Variants in POMGNT1 observed in about 807,000 individuals in gnomAD.
The protein encoded by POMGNT1 is protein O-linked mannose N-acetylglucosaminyltransferase 1 (beta 1,2-).
In POMGNT1, 67 loss-of-function variants were observed where a neutral mutation model predicts 95.6. The ratio of observed to expected loss-of-function variants is 0.70; its 90% CI spans 0.58 to 0.86. The LOEUF (loss-of-function observed/expected upper bound fraction) is 0.86, where lower values mean the gene tolerates loss of function less well. Among genes scored for constraint, POMGNT1 ranks in the 40% least tolerant of loss-of-function variants. POMGNT1 has a pLI of 0.00. For synonymous variants in POMGNT1, 298 were observed against 317.9 expected (o/e 0.94, Z 0.66); for missense variants, 719 against 855.2 (o/e 0.84, Z 1.99).
rs533064251 is a variant in POMGNT1 at position 46,191,925 on chromosome 1, C to T, written c.1539+173G>A. On this transcript the variant is annotated intron_variant, in intron 17 of 21. Transcript: ENST00000371984. ...CTGGGATTACAGGCGTGAGCCACCG[C>T]GCCCAGCCCTTTATCCTCATTTTTC... 1.0e-4 allele frequency: 115 copies of T among 1,097,194 alleles called. No individual in the cohort carries two copies. The Middle Eastern group carries it at 1.8e-3, about 17-fold the overall frequency. The allele number at this position is 1,097,194 out of a possible 1,614,324, so 68.0% of individuals were successfully genotyped here. A position where few individuals can be genotyped will look rare whatever the true frequency, so the allele number is the denominator to read the frequency against.
chr1:46,203,535 C>A, intron 1 of POMGNT1: 1 of 1,566,836 alleles, frequency 6.4e-7, no homozygotes, highest in Non-Finnish European at 8.6e-7. Flanking sequence ...CGAGTGTGAG[C>A]TGGGAACCTC....
In POMGNT1 at chr1:46,194,419, T is replaced by G. The variant is rs766092974; in HGVS notation, c.752-18A>C. 2 of 1,614,086 alleles carry G rather than the reference T, an allele frequency of 1.2e-6. No homozygotes were observed. Among genetic ancestry groups the G allele is most frequent in the Non-Finnish European group, 1.7e-6 (2 of 1,180,004 alleles). On this transcript the variant is annotated intron_variant, in intron 8 of 21. Transcript: ENST00000371984. Reference sequence around the variant, plus strand: ...CTCTGCCTCTGAGGGAAGGATGCGGTTGTCATGGAGGCATGGGGCCAGCAA... The same window carrying G: ...CTCTGCCTCTGAGGGAAGGATGCGGGTGTCATGGAGGCATGGGGCCAGCAA...
chr1:46,198,945 G>GTT (rs139232552), upstream of POMGNT1, among the ~76,000 whole-genome samples: 36 of 150,284 alleles, frequency 2.4e-4, no homozygotes, highest in South Asian at 2.1e-3. Context: ...CATTATTATT[G>GTT]TTTTTTTTTT....
chr1:46,194,093 C>T (rs899711966), intron 9 of POMGNT1, among the ~76,000 whole-genome samples, 168 bp from the exon 10 acceptor site: 2 of 152,194 alleles, frequency 1.3e-5, no homozygotes, highest in East Asian at 1.9e-4. Flanking sequence ...AACTCTAGCG[C>T]TGAGCTTTAC....
At chr1:46,209,521 G>A (rs955377717) in intron 1 of POMGNT1, among the ~76,000 whole-genome samples, 5 of 149,660 alleles carry the variant, frequency 3.3e-5, no homozygotes, top group African/African-American at 1.2e-4. Flanking sequence ...GGAGATGTAA[G>A]TTCTGTTGTT....
At chr1:46,212,366 C>T (rs1181689715) in intron 1 of POMGNT1, among the ~76,000 whole-genome samples, 4 of 151,320 alleles carry the variant, frequency 2.6e-5, no homozygotes, top group Non-Finnish European at 2.9e-5. Context: ...CTGCAAGCTC[C>T]GCCTCCCGGG....
In POMGNT1 at chr1:46,196,964, C is replaced by CCCT; in HGVS notation, c.235+3_235+5dup. 6.2e-7 allele frequency: 1 copy of CCCT among 1,614,226 alleles called. No homozygotes were observed. Among genetic ancestry groups the CCCT allele is most frequent in the Non-Finnish European group, 8.5e-7 (1 of 1,180,034 alleles). ...GCCCCCTACCCCATCCTTAGCCTAG[C>CCCT]CCTACCATAGTCTTGCTCTGGCTCT... On this transcript the variant is annotated splice_donor_region_variant and intron_variant, in intron 3 of 21. Coordinates refer to ENST00000371984, the MANE Select transcript of POMGNT1 (RefSeq NM_017739.4). The surrounding 1 kb of genome is among the most constrained non-coding windows in gnomAD (Gnocchi z 4.4).
rs1298358291 is a variant in POMGNT1 at position 46,189,511 on chromosome 1, C to T, written c.1842G>A (p.Leu614=). 8 of 1,613,692 alleles carry T rather than the reference C, an allele frequency of 5.0e-6. No homozygotes were observed. The highest frequency in any genetic ancestry group is 6.8e-6 in the Non-Finnish European group (8 of 1,179,822). The change falls in exon 21 of 22, where the codon TTG becomes TTA. Residue 614 remains leucine, a synonymous_variant. Transcript: ENST00000371984. ...VRGNHRGLWR[L]FRKKNHFLMV... ...TCAGGAAGTGGTTCTTCTTCCGAAACAATCTCCACAGGCCCCGATGGTTGC... is the reference window on the plus strand; with the variant it reads ...TCAGGAAGTGGTTCTTCTTCCGAAATAATCTCCACAGGCCCCGATGGTTGC...
intron 1 of POMGNT1, among the ~76,000 whole-genome samples, chr1:46,212,576 C>A (rs537894051): frequency 3.6e-4 from 54 of 151,650 alleles, no homozygotes; most frequent in African/African-American, 1.2e-3. Context: ...CCACTGCACC[C>A]GGCCAAATTT....
chr1:46,209,539 T>C (rs911295701), intron 1 of POMGNT1, among the ~76,000 whole-genome samples: 1 of 146,264 alleles, frequency 6.8e-6, no homozygotes, highest in African/African-American at 2.5e-5. Context: ...GTTGTTTTCT[T>C]TTTTTTTTTC....
At chr1:46,203,314 C>T, upstream of POMGNT1, 5 of 828,264 alleles carry the variant, frequency 6.0e-6, no homozygotes, top group Non-Finnish European at 6.9e-6. Flanking sequence ...GCCCCCGCGC[C>T]GCGCGGGCGG....
intron 9 of POMGNT1, 36 bp from the exon 10 acceptor site, chr1:46,193,961 C>T (rs751756755): frequency 1.9e-6 from 3 of 1,611,640 alleles, no homozygotes; most frequent in African/African-American, 2.7e-5. Context: ...TTGCCTTATT[C>T]CCCCTTCAAA....
intron 1 of POMGNT1, among the ~76,000 whole-genome samples, chr1:46,207,544 CTT>C (rs565434779): frequency 6.8e-6 from 1 of 146,502 alleles, no homozygotes; most frequent in Non-Finnish European, 1.5e-5. Flanking sequence ...TTCTTTCTTT[CTT>C]TTTTTTTTTT....
upstream of POMGNT1, among the ~76,000 whole-genome samples, chr1:46,202,920 G>GGGT (rs1658586504): frequency 4.3e-4 from 28 of 64,512 alleles, 1 homozygote; most frequent in East Asian, 8.4e-4. Context: ...GGGGGGGGGT[G>GGGT]GTGTGTGTGT....
At chr1:46,201,697 CAAAAAAAAA>C (rs59930051), upstream of POMGNT1, among the ~76,000 whole-genome samples, 1 of 85,962 alleles carries the variant, frequency 1.2e-5, no homozygotes, top group South Asian at 3.6e-4. Context: ...GACTCCATCT[CAAAAAAAAA>C]AAAAAAAAGA....
intron 20 of POMGNT1, 69 bp downstream of exon 20, chr1:46,189,785 C>T (rs1393216411): frequency 5.0e-6 from 8 of 1,604,666 alleles, no homozygotes; most frequent in Non-Finnish European, 6.8e-6. Context: ...AGCAAAGGCT[C>T]CCTGGATCTT....
chr1:46,203,806 GT>G (rs1658625932), intron 1 of POMGNT1, among the ~76,000 whole-genome samples: 1 of 152,102 alleles, frequency 6.6e-6, no homozygotes, highest in Admixed American at 6.5e-5. Context: ...TCCATTACTT[GT>G]CCCCCAAGAG....
exon 1 of POMGNT1, chr1:46,220,217 G>A: frequency 6.2e-7 from 1 of 1,603,738 alleles, no homozygotes; most frequent in Non-Finnish European, 8.5e-7. Context: ...TGACCTTCTT[G>A]TAACAACTAT....
intron 17 of POMGNT1, 173 bp from the exon 18 acceptor site, chr1:46,190,957 C>T: frequency 3.0e-6 from 2 of 673,012 alleles, no homozygotes; most frequent in Non-Finnish European, 5.5e-6. Flanking sequence ...CAAGCTCTTA[C>T]TAGCTTTAAT....
Sources: gnomAD v4.1 joint callset for allele counts (sites outside exome capture counted in the v4.1 genomes callset) on GRCh38, gnomAD v4.1.1 for gene constraint, Gnocchi (gnomAD v3.1) non-coding constraint, MANE v1.5 for transcripts, NCBI Gene and HGNC (gene_info 2026-07-23, HGNC 2026-07-21) for gene names.